DDX46: variants seen among roughly 807,000 people sequenced by gnomAD.
DDX46 encodes the protein DEAD-box helicase 46, also known as probable ATP-dependent RNA helicase DDX46.
Under a neutral mutation model 134.9 loss-of-function variants are expected in DDX46, and 30 were observed. The ratio of observed to expected loss-of-function variants is 0.22; its 90% CI spans 0.17 to 0.30. The LOEUF is 0.30. Among genes scored for constraint, DDX46 ranks in the 10% least tolerant of loss-of-function variants. The pLI, the probability that DDX46 is intolerant of heterozygous loss-of-function variation, is 1.00. For missense variants in DDX46, 622 were observed against 1,248.7 expected, an observed-to-expected ratio of 0.50 and a Z score of 7.56; for synonymous variants, 415 against 404.1, an observed-to-expected ratio of 1.03 and a Z score of -0.32.
intron 13 of DDX46, among the ~76,000 whole-genome samples, chr5:134,791,930 C>G (rs1055858425): frequency 2.0e-5 from 3 of 152,166 alleles, no homozygotes; most frequent in African/African-American, 7.2e-5. Context: ...TTAATCCCAG[C>G]AATTTGGGAG....
intron 1 of DDX46, among the ~76,000 whole-genome samples, chr5:134,761,130 A>G (rs1050196965): frequency 3.3e-5 from 5 of 152,028 alleles, no homozygotes; most frequent in African/African-American, 9.7e-5. Context: ...GGTTCAAGAG[A>G]TCCTCCCACC....
chr5:134,827,264 TTTTTC>T (rs991929756), intron 22 of DDX46, among the ~76,000 whole-genome samples: 8 of 152,114 alleles, frequency 5.3e-5, no homozygotes, highest in East Asian at 3.9e-4. Context: ...CCTTGAATTT[TTTTTC>T]TTTTCTTTTC....
At chr5:134,822,075 C>T (rs1340100284) in intron 21 of DDX46, among the ~76,000 whole-genome samples, 1 of 151,738 alleles carries the variant, frequency 6.6e-6, no homozygotes, top group African/African-American at 2.4e-5. Flanking sequence ...GATGGAGTTT[C>T]ACCACGTTGG....
At chr5:134,792,874 G>T (rs1433336478) in intron 13 of DDX46, among the ~76,000 whole-genome samples, 1 of 152,168 alleles carries the variant, frequency 6.6e-6, no homozygotes, top group Non-Finnish European at 1.5e-5. Flanking sequence ...CCTGCTGGAG[G>T]CTTGGCGTGG....
rs532978042 is a variant in DDX46, at chr5:134,809,218, C to T, written c.2148+1277C>T. On this transcript the variant is annotated intron_variant, in intron 16 of 22. Coordinates refer to ENST00000452510, the MANE Select transcript of DDX46 (RefSeq NM_001300860.2). Reference sequence around the variant, plus strand: ...ATTGTAGCCTATTTGGGCTCTGTCACATATTCTTCTCTTTCTCTCTCCTTC... The same window carrying T: ...ATTGTAGCCTATTTGGGCTCTGTCATATATTCTTCTCTTTCTCTCTCCTTC... 2.6e-5 allele frequency among the ~76,000 whole-genome samples: 4 copies of T among 152,242 alleles called. No individual in the cohort carries two copies. In the East Asian group the frequency reaches 7.7e-4, roughly 29 times the overall value.
At chr5:134,780,134 G>GTA (rs1754091716) in intron 6 of DDX46, among the ~76,000 whole-genome samples, 2 of 146,580 alleles carry the variant, frequency 1.4e-5, no homozygotes, top group South Asian at 2.4e-4. Flanking sequence ...GTGTGTGTGT[G>GTA]TGTGTATATG....
At chr5:134,815,154 T>C (rs1347001028) in intron 18 of DDX46, among the ~76,000 whole-genome samples, 2 of 152,162 alleles carry the variant, frequency 1.3e-5, no homozygotes, top group Non-Finnish European at 2.9e-5. Flanking sequence ...GAGGCCGAGA[T>C]ATGAGGAACC....
chr5:134,759,506 CTTTGTTACCTGCTTT>C (rs1044870236), intron 1 of DDX46, among the ~76,000 whole-genome samples: 5 of 151,748 alleles, frequency 3.3e-5, no homozygotes, highest in African/African-American at 1.2e-4. Flanking sequence ...AAGCAGGTAA[CTTTGTTACCTGCTTT>C]TCTGTCCTTT....
intron 11 of DDX46, 79 bp downstream of exon 11, chr5:134,785,665 T>C: frequency 1.3e-6 from 2 of 1,488,426 alleles, no homozygotes; most frequent in Non-Finnish European, 1.8e-6. Flanking sequence ...TGACTTTTAC[T>C]TTTAGTTTTT....
chr5:134,760,604 T>G (rs246347), intron 1 of DDX46, among the ~76,000 whole-genome samples: 1 of 152,232 alleles, frequency 6.6e-6, no homozygotes, highest in East Asian at 1.9e-4. Flanking sequence ...ACAGGAAGAC[T>G]ACAGTCTTTA....
chr5:134,828,203 T>A (rs1250732026), intron 22 of DDX46, among the ~76,000 whole-genome samples: 1 of 152,186 alleles, frequency 6.6e-6, no homozygotes, highest in Non-Finnish European at 1.5e-5. Flanking sequence ...CTAAGTGTAA[T>A]TCTGAGAGCT....
chr5:134,788,410 C>A, intron 11 of DDX46, 103 bp from the exon 12 acceptor site: 1 of 865,686 alleles, frequency 1.2e-6, no homozygotes, highest in Non-Finnish European at 1.8e-6. Flanking sequence ...AAGCAGGAAG[C>A]TTGGAAGTCT....
chr5:134,792,865 C>A lies in DDX46; in HGVS notation c.1627-1985C>A, dbSNP rs140353188. On this transcript the variant is annotated intron_variant, in intron 13 of 22. Coordinates refer to ENST00000452510, the MANE Select transcript of DDX46 (RefSeq NM_001300860.2). Reference sequence around the variant, plus strand: ...TAATTGTTTGTTGATAACTGAAAACCTGCTGGAGGCTTGGCGTGGTGATGT... The same window carrying A: ...TAATTGTTTGTTGATAACTGAAAACATGCTGGAGGCTTGGCGTGGTGATGT... Among the ~76,000 whole-genome samples, 364 of 152,224 alleles carry A rather than the reference C, an allele frequency of 2.4e-3. 1 individual carries two copies. Among genetic ancestry groups the A allele is most frequent in the Middle Eastern group, 6.8e-3 (2 of 294 alleles).
chr5:134,814,137 A>G (rs529670787), intron 18 of DDX46, among the ~76,000 whole-genome samples: 200 of 152,308 alleles, frequency 1.3e-3, no homozygotes, highest in Admixed American at 2.4e-3. Flanking sequence ...TTATTACAGT[A>G]TATTGCTATA....
chr5:134,763,828 T>G, intron 1 of DDX46, 76 bp from the exon 2 acceptor site: 2 of 1,460,758 alleles, frequency 1.4e-6, no homozygotes, highest in Non-Finnish European at 9.2e-7. Flanking sequence ...CTGAAATTAT[T>G]TTTAGAAAAA....
intron 12 of DDX46, chr5:134,790,027 A>G (rs570919047): frequency 2.2e-6 from 1 of 455,834 alleles, no homozygotes; most frequent in Admixed American, 2.4e-5. Flanking sequence ...ATAGAGAGAC[A>G]TTTTCTGTGT....
chr5:134,796,939 G>A (rs963315074), intron 15 of DDX46, among the ~76,000 whole-genome samples: 2 of 151,018 alleles, frequency 1.3e-5, no homozygotes, highest in African/African-American at 4.9e-5. Context: ...ATCACCTGAG[G>A]TTGGGAGTTC....
chr5:134,795,104 AG>A (rs1754610668), intron 14 of DDX46, 90 bp downstream of exon 14: 3 of 1,485,726 alleles, frequency 2.0e-6, no homozygotes, highest in South Asian at 2.6e-5. Context: ...GAGGTAGGCA[AG>A]GTAATTTCTA....
chr5:134,770,922 A>C lies in DDX46; in HGVS notation c.370A>C (p.Thr124Pro). The change falls in exon 4 of 23, where the codon ACT becomes CCT. Residue 124 changes from threonine to proline, a missense_variant. By Grantham distance (38) the Thr-to-Pro change is conservative. This residue lies in a region of DDX46 where 244 missense variants were observed against 349.3 expected (regional missense o/e 0.70). Coordinates refer to ENST00000452510, the MANE Select transcript of DDX46 (RefSeq NM_001300860.2). ...TENRSRSKEK[T>P]DGGESSKEKK... ...TGGTAGATCTAGGTCCAAAGAGAAA[A>C]CTGATGGTGGGGAAAGTTCTAAAGA... 2 of 1,586,936 alleles carry C rather than the reference A, an allele frequency of 1.3e-6. No individual in the cohort carries two copies. The highest frequency in any genetic ancestry group is 1.7e-6 in the Non-Finnish European group (2 of 1,171,312).
Sources: allele counts gnomAD v4.1 joint callset (sites outside exome capture counted in the v4.1 genomes callset), GRCh38; gene constraint gnomAD v4.1.1; regional missense constraint gnomAD v4.1.1; transcripts MANE v1.5; gene names NCBI Gene and HGNC (gene_info 2026-07-23, HGNC 2026-07-21).